TTC28: variants seen among roughly 807,000 people sequenced by gnomAD.
The protein encoded by TTC28 is tetratricopeptide repeat protein 28.
In TTC28, 61 loss-of-function variants were observed where a neutral mutation model predicts 198.0. The observed-to-expected ratio is 0.31, with a 90% CI of 0.25 to 0.38. The LOEUF (loss-of-function observed/expected upper bound fraction) is 0.38. Among genes scored for constraint, TTC28 ranks in the 10% least tolerant of loss-of-function variants. TTC28 has a pLI of 1.00. For missense variants in TTC28, 2,678 were observed against 3,164.0 expected (o/e 0.85, Z 3.69); for synonymous variants, 1,171 against 1,297.8 (o/e 0.90, Z 2.10).
intron 5 of TTC28, among the ~76,000 whole-genome samples, chr22:28,227,752 T>C (rs1928461791): frequency 6.6e-6 from 1 of 151,320 alleles, no homozygotes; most frequent in South Asian, 2.1e-4. Flanking sequence ...ATTGGAACCC[T>C]TGTGCACTGC....
Position 28,004,508 on chromosome 22 carries a change from G to A in TTC28, c.4219-2955C>T, listed in dbSNP as rs989168195. On this transcript the variant is annotated intron_variant, in intron 14 of 22. Coordinates refer to ENST00000397906, the MANE Select transcript of TTC28 (RefSeq NM_001145418.2). ...TCTCTGAACCTCATATCCCAATTTG[G>A]AGGTCTGGGTCCTCCCTGCATCATG... Among the ~76,000 whole-genome samples, 52 of 152,176 alleles carry A rather than the reference G, an allele frequency of 3.4e-4. 2 individuals carry two copies. Among genetic ancestry groups the A allele is most frequent in the Non-Finnish European group, 1.0e-4 (7 of 68,032 alleles).
chr22:28,585,109 A>C (rs1260233800), intron 2 of TTC28, among the ~76,000 whole-genome samples: 4 of 152,214 alleles, frequency 2.6e-5, no homozygotes, highest in African/African-American at 9.6e-5. Flanking sequence ...AGTAGTCCCC[A>C]ACCTTTTTGG....
chr22:28,332,188 C>T (rs1601640732), intron 2 of TTC28, among the ~76,000 whole-genome samples: 1 of 152,168 alleles, frequency 6.6e-6, no homozygotes, highest in East Asian at 1.9e-4. Flanking sequence ...AATCTGTCAT[C>T]CTCTCTACCT....
intron 12 of TTC28, among the ~76,000 whole-genome samples, chr22:28,033,537 C>T (rs1226253640): frequency 6.6e-6 from 1 of 152,178 alleles, no homozygotes; most frequent in African/African-American, 2.4e-5. Flanking sequence ...CTCTTACTAT[C>T]TGGTATGACT....
At chr22:28,558,806 G>A (rs915008546) in intron 2 of TTC28, among the ~76,000 whole-genome samples, 4 of 152,116 alleles carry the variant, frequency 2.6e-5, no homozygotes, top group Non-Finnish European at 5.9e-5. Context: ...CAAGACAGGC[G>A]AATCACCTGA....
intron 5 of TTC28, among the ~76,000 whole-genome samples, chr22:28,279,638 G>A (rs2044544426): frequency 6.6e-6 from 1 of 152,148 alleles, no homozygotes; most frequent in African/African-American, 2.4e-5. Context: ...CCAAAGTGCT[G>A]GGATTACAGG....
At chr22:28,302,106 G>C (rs2045039842) in intron 3 of TTC28, among the ~76,000 whole-genome samples, 1 of 151,776 alleles carries the variant, frequency 6.6e-6, no homozygotes, top group Non-Finnish European at 1.5e-5. Flanking sequence ...GGTAAAATGT[G>C]CTATGGGACC....
At chr22:28,271,114 ATT>A (rs201979669) in intron 5 of TTC28, among the ~76,000 whole-genome samples, 20 of 142,508 alleles carry the variant, frequency 1.4e-4, no homozygotes, top group East Asian at 2.0e-4. Flanking sequence ...TTTTTTCAGT[ATT>A]TTTTTTTTTT....
intron 5 of TTC28, among the ~76,000 whole-genome samples, chr22:28,165,761 C>A (rs1921859068): frequency 2.6e-5 from 4 of 152,212 alleles, no homozygotes. Context: ...TAGGAAGAAA[C>A]TGCATCAACT....
chr22:28,228,695 A>G (rs1928553916), intron 5 of TTC28, among the ~76,000 whole-genome samples: 1 of 151,910 alleles, frequency 6.6e-6, no homozygotes. Context: ...ACAGGACTCC[A>G]TCAAAAACAA....
At chr22:28,391,159 G>C (rs1417133694) in intron 2 of TTC28, among the ~76,000 whole-genome samples, 1 of 152,140 alleles carries the variant, frequency 6.6e-6, no homozygotes, top group African/African-American at 2.4e-5. Context: ...TAAGAATGTT[G>C]AATATTGGCC....
At chr22:28,111,535 T>C (rs1211659525) in intron 6 of TTC28, among the ~76,000 whole-genome samples, 1 of 152,192 alleles carries the variant, frequency 6.6e-6, no homozygotes, top group Non-Finnish European at 1.5e-5. Flanking sequence ...GAAATTTTTT[T>C]TTTTACATTT....
intron 2 of TTC28, among the ~76,000 whole-genome samples, chr22:28,346,991 G>A (rs985882276): frequency 9.9e-5 from 15 of 152,122 alleles, no homozygotes; most frequent in African/African-American, 2.4e-4. Flanking sequence ...GGCCGGGTGC[G>A]GTGGCTCATG....
intron 2 of TTC28, among the ~76,000 whole-genome samples, chr22:28,579,961 C>A (rs1018555650): frequency 9.2e-5 from 14 of 151,824 alleles, no homozygotes; most frequent in Non-Finnish European, 2.9e-5. Context: ...CAAAGTGCGA[C>A]CCTGTCTCAA....
chr22:28,460,648 T>C lies in TTC28; in HGVS notation c.382-154005A>G, dbSNP rs144658083. Among the ~76,000 whole-genome samples, 5 of 131,074 alleles carry C rather than the reference T, an allele frequency of 3.8e-5. No individual in the cohort carries two copies. In the East Asian group the frequency reaches 9.2e-4, roughly 24 times the overall value. The allele number at this position is 131,074 out of a possible 152,430, so 86.0% of individuals were successfully genotyped here. ...ATAGATAGATAGATAGATAGATAGA[T>C]AGATAGATAGATAGATAGACAGACA... On this transcript the variant is annotated intron_variant, in intron 2 of 22. Transcript: ENST00000397906.
At chr22:28,261,585 G>T (rs1452657987) in intron 5 of TTC28, among the ~76,000 whole-genome samples, 1 of 152,154 alleles carries the variant, frequency 6.6e-6, no homozygotes, top group East Asian at 1.9e-4. Flanking sequence ...CCTTCTGATA[G>T]ATGTTAATAG....
At chr22:28,112,617 G>GACACACTCTTGGC (rs1171255124) in intron 6 of TTC28, among the ~76,000 whole-genome samples, 1 of 152,178 alleles carries the variant, frequency 6.6e-6, no homozygotes, top group Non-Finnish European at 1.5e-5. Context: ...AATGGAACAT[G>GACACACTCTTGGC]ACACACTCTT....
At chr22:28,394,729 A>G (rs1422060344) in intron 2 of TTC28, among the ~76,000 whole-genome samples, 1 of 152,238 alleles carries the variant, frequency 6.6e-6, no homozygotes, top group Non-Finnish European at 1.5e-5. Flanking sequence ...GCTACTGCCC[A>G]GTCTCCATAA....
chr22:28,163,996 T>C (rs558012468), intron 5 of TTC28, among the ~76,000 whole-genome samples: 4 of 152,236 alleles, frequency 2.6e-5, no homozygotes, highest in African/African-American at 2.4e-5. Flanking sequence ...CAGGAGATTA[T>C]ATCCCGCACC....
Sources: allele counts gnomAD v4.1 joint callset (sites outside exome capture counted in the v4.1 genomes callset), GRCh38; gene constraint gnomAD v4.1.1; transcripts MANE v1.5; gene names NCBI Gene and HGNC (gene_info 2026-07-23, HGNC 2026-07-21).